Variants in CCDC191 observed in about 807,000 individuals in gnomAD.
CCDC191 encodes coiled-coil domain containing 191, also known as coiled-coil domain-containing protein 191.
A neutral mutation model predicts 114.0 loss-of-function variants in CCDC191; 99 were observed. The ratio of observed to expected loss-of-function variants is 0.87; its 90% CI spans 0.74 to 1.03. The LOEUF is 1.03. Ranked by LOEUF, CCDC191 falls within the 50% of genes least tolerant of loss-of-function variation. The probability of loss-of-function intolerance (pLI) is 0.00; values close to 1 mark genes in which losing one functional copy is unlikely to be tolerated. For synonymous variants in CCDC191, 351 were observed against 376.0 expected, an observed-to-expected ratio of 0.93 and a Z score of 0.77; for missense variants, 973 against 1,087.0, an observed-to-expected ratio of 0.90 and a Z score of 1.47.
At chr3:114,047,626 T>C (rs983428377) in intron 2 of CCDC191, among the ~76,000 whole-genome samples, 7 of 152,106 alleles carry the variant, frequency 4.6e-5, no homozygotes, top group Non-Finnish European at 1.0e-4. Context: ...TTCATGCCAC[T>C]GCACTCCTGC....
intron 2 of CCDC191, among the ~76,000 whole-genome samples, chr3:114,049,771 T>A (rs6809301): frequency 1.3e-5 from 2 of 152,178 alleles, no homozygotes; most frequent in Non-Finnish European, 2.9e-5. Flanking sequence ...ATACATAATC[T>A]CTATATTTGT....
At chr3:113,992,300 C>T (rs772302862) in intron 13 of CCDC191, among the ~76,000 whole-genome samples, 19 of 152,182 alleles carry the variant, frequency 1.2e-4, no homozygotes, top group Non-Finnish European at 2.2e-4. Flanking sequence ...CATTCAGCTC[C>T]CTCAGCTGTG....
rs1200463236 is a variant in CCDC191, at chr3:113,965,316, T to G, written c.2650A>C (p.Lys884Gln). The G allele has an allele frequency of 5.0e-6, 8 of 1,610,392 alleles. No individual in the cohort carries two copies. The highest frequency in any genetic ancestry group is 6.8e-6 in the Non-Finnish European group (8 of 1,178,486). ...ITLRTWKKFV[K>Q]FMKEERVKEE... ...TTTACTCTTTCCTCTTTCATAAATTTTACAAACTTCTTCCATGTCCGAAGG... is the reference window on the plus strand; with the variant it reads ...TTTACTCTTTCCTCTTTCATAAATTGTACAAACTTCTTCCATGTCCGAAGG... The change falls in exon 17 of 17, where the codon AAA becomes CAA. Residue 884 changes from lysine (K) to glutamine (Q), a missense_variant. By Grantham distance (53) the Lys-to-Gln change is moderately conservative. Transcript: ENST00000295878.
chr3:114,018,773 C>G lies in CCDC191; in HGVS notation c.1068G>C (p.Gln356His). ...KAGTLSDWKI[Q>H]LKVLRAWRDY... ...CTCTCCAGGCCCGCAGGACCTTCAG[C>G]TGAATCTTCCAGTCAGACAGGGTCC... The change falls in exon 8 of 17, where the codon CAG (glutamine) becomes CAC (histidine). Residue 356 changes from glutamine (Q) to histidine (H), a missense_variant. Coordinates refer to ENST00000295878, the MANE Select transcript of CCDC191 (RefSeq NM_020817.2). 12 of 1,613,734 alleles carry G rather than the reference C, an allele frequency of 7.4e-6. No individual in the cohort carries two copies. Among genetic ancestry groups the G allele is most frequent in the Non-Finnish European group, 1.0e-5 (12 of 1,179,828 alleles).
rs71146304 is a variant in CCDC191 at position 114,002,685 on chromosome 3, TATAGAG to T, written c.1979-153_1979-148del. On this transcript the variant is annotated intron_variant, in intron 11 of 16. Transcript: ENST00000295878. ...TGAATGTTCACAATCTCAGAAAATA[TATAGAG>T]ATAAACAGAACTTATATACTCTACA... 4,162 of 1,284,712 alleles carry T rather than the reference TATAGAG, an allele frequency of 3.2e-3. 8 individuals are homozygous for T. Among genetic ancestry groups the T allele is most frequent in the Non-Finnish European group, 3.5e-3 (3,445 of 982,934 alleles). The allele number at this position is 1,284,712 out of a possible 1,614,324, so 79.6% of individuals were successfully genotyped here.
chr3:114,028,502 G>A (rs1331782503), intron 7 of CCDC191, among the ~76,000 whole-genome samples: 3 of 151,828 alleles, frequency 2.0e-5, no homozygotes, highest in Admixed American at 1.3e-4. Context: ...AGCCAGGATG[G>A]TCTCGATCTC....
At chr3:114,046,880 CATCTA>C in intron 2 of CCDC191, 148 bp from the exon 3 acceptor site, 1 of 1,366,418 alleles carries the variant, frequency 7.3e-7, no homozygotes, top group South Asian at 1.9e-5. Flanking sequence ...GAGGTTTAAA[CATCTA>C]CCCCCAAATA....
intron 13 of CCDC191, among the ~76,000 whole-genome samples, chr3:113,988,626 C>CAA (rs887679387): frequency 0.022 from 911 of 41,062 alleles, 19 homozygotes; most frequent in African/African-American, 0.049. Context: ...GACTCCATCT[C>CAA]AAAAAAAAAA....
chr3:114,009,597 T>C (rs970027707), intron 9 of CCDC191, among the ~76,000 whole-genome samples: 7 of 152,198 alleles, frequency 4.6e-5, no homozygotes, highest in African/African-American at 1.7e-4. Flanking sequence ...CCACTGTGTA[T>C]GTGGTCAGTC....
chr3:114,020,705 CTG>C (rs1252718438), intron 7 of CCDC191, among the ~76,000 whole-genome samples: 1 of 152,058 alleles, frequency 6.6e-6, no homozygotes, highest in Non-Finnish European at 1.5e-5. Flanking sequence ...AGAAAATGTT[CTG>C]TGTCTGTTTA....
rs777564368 is a variant in CCDC191 at position 114,036,665 on chromosome 3, G to C, written c.537C>G (p.Asn179Lys). ...GATCCTTCTGCTGCTTCTTGTCTTG[G>C]TTTTCCTTCCTTCCAAGATCTTCCA... ...AMMEDLGRKE[N>K]QDKKQQKDPR... The change falls in exon 5 of 17, where the codon AAC becomes AAG. Residue 179 changes from asparagine (N) to lysine (K), a missense_variant. Coordinates refer to ENST00000295878, the MANE Select transcript of CCDC191 (RefSeq NM_020817.2). 6.2e-7 allele frequency: 1 copy of C among 1,604,330 alleles called. No individual in the cohort carries two copies. Among genetic ancestry groups the C allele is most frequent in the South Asian group, 1.1e-5 (1 of 90,016 alleles).
At position 114,015,264 on chromosome 3, in the gene CCDC191, G is replaced by T. The variant is rs74894580; in HGVS notation, c.1163+3414C>A. Among the ~76,000 whole-genome samples, 520 of 152,260 alleles carry T rather than the reference G, an allele frequency of 3.4e-3. 2 individuals carry two copies. Among genetic ancestry groups the T allele is most frequent in the African/African-American group, 0.012 (500 of 41,556 alleles). On this transcript the variant is annotated intron_variant, in intron 8 of 16. Transcript: ENST00000295878. Reference sequence around the variant, plus strand: ...GAGGTAAAAGCATGTTCCAGGAAAGGCCCAGAGCACTGGTGCAAGAGAAGG... The same window carrying T: ...GAGGTAAAAGCATGTTCCAGGAAAGTCCCAGAGCACTGGTGCAAGAGAAGG...
rs1939898218 is a variant in CCDC191, at chr3:113,964,352, A to G, written c.*803T>C. ...CACAATTCATAGAAGAGAGCATTTT[A>G]TCAGTCTTTATAGCATCTTAAAGAT... On this transcript the variant is annotated 3_prime_UTR_variant, in exon 17 of 17. Transcript: ENST00000295878. The G allele has an allele frequency of 1.3e-5, 2 of 152,232 alleles. No homozygotes were observed. Among genetic ancestry groups the G allele is most frequent in the Non-Finnish European group, 2.9e-5 (2 of 68,044 alleles). The allele number at this position is 152,232 out of a possible 1,614,324, so 9.4% of individuals were successfully genotyped here. A position where few individuals can be genotyped will look rare whatever the true frequency, so the allele number is the denominator to read the frequency against.
At chr3:114,015,557 G>A (rs1559911058) in intron 8 of CCDC191, among the ~76,000 whole-genome samples, 1 of 152,160 alleles carries the variant, frequency 6.6e-6, no homozygotes, top group African/African-American at 2.4e-5. Context: ...TGTAAATGCA[G>A]ACAGAAAGGG....
At chr3:114,050,010 G>C (rs903184557) in intron 2 of CCDC191, among the ~76,000 whole-genome samples, 2 of 152,026 alleles carry the variant, frequency 1.3e-5, no homozygotes, top group Non-Finnish European at 2.9e-5. Context: ...TTTGTTTTTG[G>C]TTTCCTATAT....
chr3:114,031,666 A>T lies in CCDC191; in HGVS notation c.932T>A (p.Leu311Ter). ...EKMVKERKRK[L>*]KEVLIQTFKE... The stretch of plus-strand genomic sequence containing the variant: ...GAAAGTTTGGATTAATACTTCTTTC[A>T]ATTTCCTTTTTCTTTCCTTCACCAT... The change falls in exon 7 of 17, where the codon TTG (leucine) becomes TAG (stop). Residue 311 changes from leucine to a stop codon, truncating the protein, a stop_gained. Coordinates refer to ENST00000295878, the MANE Select transcript of CCDC191 (RefSeq NM_020817.2). LOFTEE classifies it high-confidence loss of function. 1 of 1,610,090 alleles carries T rather than the reference A, an allele frequency of 6.2e-7. No individual in the cohort carries two copies. Among genetic ancestry groups the T allele is most frequent in the Non-Finnish European group, 8.5e-7 (1 of 1,176,490 alleles).
chr3:114,022,130 C>A (rs1054051288), intron 7 of CCDC191, among the ~76,000 whole-genome samples: 2 of 152,144 alleles, frequency 1.3e-5, no homozygotes, highest in African/African-American at 2.4e-5. Flanking sequence ...ATGGTGTCCT[C>A]CCCACAAAAT....
intron 4 of CCDC191, among the ~76,000 whole-genome samples, chr3:114,038,071 C>A (rs748643574): frequency 6.6e-6 from 1 of 152,190 alleles, no homozygotes; most frequent in Non-Finnish European, 1.5e-5. Context: ...ACATTCCCAC[C>A]AGCAGTGTAG....
At chr3:113,980,218 A>G (rs1363731624) in intron 14 of CCDC191, among the ~76,000 whole-genome samples, 1 of 152,188 alleles carries the variant, frequency 6.6e-6, no homozygotes, top group Non-Finnish European at 1.5e-5. Flanking sequence ...AGGCTTGGGG[A>G]GAGACCTGAA....
Sources: gnomAD v4.1 joint callset for allele counts (sites outside exome capture counted in the v4.1 genomes callset) on GRCh38, gnomAD v4.1.1 for gene constraint, MANE v1.5 for transcripts, NCBI Gene and HGNC (gene_info 2026-07-23, HGNC 2026-07-21) for gene names.